Variants in SLC9A9 observed in about 807,000 individuals in gnomAD.
SLC9A9 encodes the protein sodium/hydrogen exchanger 9.
A neutral mutation model predicts 77.8 loss-of-function variants in SLC9A9; 62 were observed. The ratio of observed to expected loss-of-function variants is 0.80; its 90% CI spans 0.65 to 0.98. The LOEUF is 0.98. Ranked by LOEUF, SLC9A9 falls within the 50% of genes least tolerant of loss-of-function variation. The pLI is 0.00. For missense variants in SLC9A9, 775 were observed against 774.9 expected, an observed-to-expected ratio of 1.00 and a Z score of 0.00; for synonymous variants, 320 against 283.5, an observed-to-expected ratio of 1.13 and a Z score of -1.29.
chr3:143,671,545 TGAAA>T (rs1333861801), intron 5 of SLC9A9, among the ~76,000 whole-genome samples: 1 of 152,214 alleles, frequency 6.6e-6, no homozygotes, highest in African/African-American at 2.4e-5. Flanking sequence ...TTGAGCTCTT[TGAAA>T]GAGTCAAACA....
chr3:143,402,554 T>C (rs1449083100), intron 12 of SLC9A9, among the ~76,000 whole-genome samples: 3 of 151,662 alleles, frequency 2.0e-5, no homozygotes, highest in African/African-American at 7.3e-5. Context: ...GTTGAGTGCA[T>C]CTATGTTTAT....
At chr3:143,330,337 A>C (rs2031732161) in intron 14 of SLC9A9, among the ~76,000 whole-genome samples, 1 of 152,168 alleles carries the variant, frequency 6.6e-6, no homozygotes, top group South Asian at 2.1e-4. Flanking sequence ...CACATTCAAC[A>C]CTGGGGACAG....
At chr3:143,541,214 T>C (rs1293616052) in intron 9 of SLC9A9, among the ~76,000 whole-genome samples, 2 of 152,230 alleles carry the variant, frequency 1.3e-5, no homozygotes, top group African/African-American at 2.4e-5. Flanking sequence ...GAACCATTGC[T>C]TCTGTCTTTT....
intron 4 of SLC9A9, among the ~76,000 whole-genome samples, chr3:143,730,825 C>A (rs1934784686): frequency 6.6e-6 from 1 of 151,866 alleles, no homozygotes. Flanking sequence ...TACACCCACA[C>A]CACTACTAAG....
At chr3:143,312,009 A>T (rs1364095893) in intron 14 of SLC9A9, among the ~76,000 whole-genome samples, 1 of 152,250 alleles carries the variant, frequency 6.6e-6, no homozygotes, top group Non-Finnish European at 1.5e-5. Context: ...TAGACAGAGA[A>T]ACAAAGCATT....
chr3:143,544,143 A>G (rs2036742819), intron 9 of SLC9A9, among the ~76,000 whole-genome samples: 1 of 152,118 alleles, frequency 6.6e-6, no homozygotes, highest in African/African-American at 2.4e-5. Context: ...ATTTTCTCAT[A>G]TGTTTCTTGG....
At chr3:143,357,195 C>T (rs761976634) in intron 14 of SLC9A9, among the ~76,000 whole-genome samples, 10 of 152,148 alleles carry the variant, frequency 6.6e-5, no homozygotes, top group Non-Finnish European at 1.2e-4. Context: ...TTACATTTTG[C>T]AAGTGAGAGC....
intron 6 of SLC9A9, among the ~76,000 whole-genome samples, chr3:143,594,564 G>C (rs1168453140): frequency 6.6e-6 from 1 of 152,014 alleles, no homozygotes; most frequent in Non-Finnish European, 1.5e-5. Flanking sequence ...AAGCTCTTCT[G>C]CATTTTGATG....
intron 9 of SLC9A9, among the ~76,000 whole-genome samples, chr3:143,535,742 A>G (rs2036579917): frequency 6.6e-6 from 1 of 152,190 alleles, no homozygotes; most frequent in Non-Finnish European, 1.5e-5. Flanking sequence ...ATATTTTCAC[A>G]TAGATTATAA....
intron 4 of SLC9A9, among the ~76,000 whole-genome samples, chr3:143,745,297 G>A (rs1018347937): frequency 2.0e-5 from 3 of 152,150 alleles, no homozygotes; most frequent in African/African-American, 7.2e-5. Context: ...CAAAGCACTT[G>A]CAGATATTTT....
At chr3:143,351,440 G>T (rs555791920) in intron 14 of SLC9A9, among the ~76,000 whole-genome samples, 1 of 152,346 alleles carries the variant, frequency 6.6e-6, no homozygotes, top group East Asian at 1.9e-4. Context: ...TTCCCAACAG[G>T]AACACAAACA....
chr3:143,651,117 A>G (rs1270032720), intron 6 of SLC9A9, among the ~76,000 whole-genome samples: 1 of 152,230 alleles, frequency 6.6e-6, no homozygotes, highest in African/African-American at 2.4e-5. Context: ...TTTTAATGCT[A>G]GTATTTCTTG....
rs113745354 is a variant in SLC9A9, at chr3:143,520,021, A to G, written c.1090-24573T>C. On this transcript the variant is annotated intron_variant, in intron 9 of 15. Coordinates refer to ENST00000316549, the MANE Select transcript of SLC9A9 (RefSeq NM_173653.4). ...ATGCAAGACTACAGATTAGGAGAAG[A>G]CTCCAGGCTGGAGATGTATATTTGG... Among the ~76,000 whole-genome samples, 843 of 152,188 alleles carry G rather than the reference A, an allele frequency of 5.5e-3. 3 individuals carry two copies. The highest frequency in any genetic ancestry group is 0.019 in the African/African-American group (785 of 41,530).
At chr3:143,507,501 C>T (rs1220764922) in intron 9 of SLC9A9, among the ~76,000 whole-genome samples, 2 of 152,222 alleles carry the variant, frequency 1.3e-5, no homozygotes, top group Admixed American at 6.5e-5. Context: ...GCCACTGCGC[C>T]TGGCCCAGCC....
intron 14 of SLC9A9, among the ~76,000 whole-genome samples, chr3:143,325,658 A>T (rs2031573119): frequency 6.6e-6 from 1 of 152,244 alleles, no homozygotes; most frequent in African/African-American, 2.4e-5. Context: ...GGCCGTGGCC[A>T]GTTCCACAGG....
chr3:143,393,768 T>C (rs528426259), intron 12 of SLC9A9, among the ~76,000 whole-genome samples: 7 of 151,604 alleles, frequency 4.6e-5, no homozygotes, highest in African/African-American at 1.7e-4. Context: ...ATAAAGAGGA[T>C]ATCACCACCG....
chr3:143,457,898 A>C (rs1479934914), intron 12 of SLC9A9, among the ~76,000 whole-genome samples: 1 of 152,178 alleles, frequency 6.6e-6, no homozygotes, highest in Non-Finnish European at 1.5e-5. Context: ...ACTTGAAAAG[A>C]ATGTGTATTA....
intron 5 of SLC9A9, among the ~76,000 whole-genome samples, chr3:143,662,593 C>T (rs1021155486): frequency 2.0e-5 from 3 of 151,996 alleles, no homozygotes; most frequent in East Asian, 1.9e-4. Context: ...TCAGGACACT[C>T]GTGCTCTAAT....
chr3:143,698,768 T>G (rs1321930430), intron 4 of SLC9A9, among the ~76,000 whole-genome samples: 1 of 152,152 alleles, frequency 6.6e-6, no homozygotes, highest in Non-Finnish European at 1.5e-5. Flanking sequence ...TTTTTTGAAT[T>G]GTTAGGGATA....
Sources: allele counts gnomAD v4.1 joint callset (sites outside exome capture counted in the v4.1 genomes callset), GRCh38; gene constraint gnomAD v4.1.1; transcripts MANE v1.5; gene names NCBI Gene and HGNC (gene_info 2026-07-23, HGNC 2026-07-21).